OLA1: variants seen among roughly 807,000 people sequenced by gnomAD.
OLA1 encodes the protein obg-like ATPase 1.
In OLA1, 14 loss-of-function variants were observed where a neutral mutation model predicts 48.4. That is an observed-to-expected ratio of 0.29 (90% confidence interval 0.19 to 0.45). The LOEUF (loss-of-function observed/expected upper bound fraction) is 0.45. OLA1 is among the 20% of genes least tolerant of loss of function. The pLI, the probability that OLA1 is intolerant of heterozygous loss-of-function variation, is 1.00. For missense variants in OLA1, 325 were observed against 467.1 expected, an observed-to-expected ratio of 0.70 and a Z score of 2.80; for synonymous variants, 127 against 150.4, an observed-to-expected ratio of 0.84 and a Z score of 1.14.
chr2:174,223,032 C>G lies in OLA1; in HGVS notation c.373+1G>C. The G allele has an allele frequency of 6.2e-7, 1 of 1,610,694 alleles. No homozygotes were observed. Among genetic ancestry groups the G allele is most frequent in the Admixed American group, 1.7e-5 (1 of 59,556 alleles). ...ATGATTAAATAAACAACTGTACTTA[C>G]GTGTTAGATGAAAGATGCCATCACA... On this transcript the variant is annotated splice_donor_variant, in intron 4 of 10. Transcript: ENST00000284719. LOFTEE classifies it high-confidence loss of function.
At chr2:174,175,189 G>A (rs1362633426) in intron 4 of OLA1, among the ~76,000 whole-genome samples, 6 of 151,416 alleles carry the variant, frequency 4.0e-5, no homozygotes, top group South Asian at 4.1e-4. Context: ...GTAACACAGC[G>A]CTGGGTAAAG....
chr2:174,155,241 C>T (rs1686846666), intron 4 of OLA1, among the ~76,000 whole-genome samples: 1 of 151,796 alleles, frequency 6.6e-6, no homozygotes, highest in Non-Finnish European at 1.5e-5. Context: ...GCACAACAGG[C>T]CCAAAAAAGG....
chr2:174,181,721 C>T (rs945567236), intron 4 of OLA1, among the ~76,000 whole-genome samples: 3 of 152,296 alleles, frequency 2.0e-5, no homozygotes, highest in African/African-American at 7.2e-5. Context: ...CAAATATTTA[C>T]GTGATTTTTT....
chr2:174,081,227 C>T lies in OLA1; in HGVS notation c.891G>A (p.Lys297=), dbSNP rs1418416475. 9.3e-6 allele frequency: 15 copies of T among 1,610,788 alleles called. No individual in the cohort carries two copies. The highest frequency in any genetic ancestry group is 1.3e-5 in the Non-Finnish European group (15 of 1,178,882). Residue 297 remains lysine (K), a synonymous_variant, in exon 9 of 11, where the codon AAG becomes AAA. Coordinates refer to ENST00000284719, the MANE Select transcript of OLA1 (RefSeq NM_013341.5). Reference sequence around the variant, plus strand: ...CTAGTTGGAGTGCTGCAAACCCAGCCTTAATGATCTTTGGCAAAGCACTGA... The same window carrying T: ...CTAGTTGGAGTGCTGCAAACCCAGCTTTAATGATCTTTGGCAAAGCACTGA... The part of the protein sequence containing the change: ...MTQSALPKII[K]AGFAALQLEY...
intron 4 of OLA1, among the ~76,000 whole-genome samples, chr2:174,144,930 TAAAAAAA>T (rs71021671): frequency 7.1e-4 from 29 of 41,098 alleles, no homozygotes; most frequent in South Asian, 1.9e-3. Flanking sequence ...AGACCCTGTT[TAAAAAAA>T]AAAAAAAAAA....
intron 4 of OLA1, among the ~76,000 whole-genome samples, chr2:174,194,661 C>A (rs73035770): frequency 2.0e-5 from 3 of 152,088 alleles, no homozygotes; most frequent in Non-Finnish European, 4.4e-5. Flanking sequence ...TTACTCAAAC[C>A]CCCATATTCT....
chr2:174,141,884 T>C lies in OLA1; in HGVS notation c.490A>G (p.Ile164Val), dbSNP rs552284451. 6.2e-7 allele frequency: 1 copy of C among 1,612,404 alleles called. No homozygotes were observed. Among genetic ancestry groups the C allele is most frequent in the Non-Finnish European group, 8.5e-7 (1 of 1,179,800 alleles). ...ACAGCCACCTTTTCTAGTTTATCTA[T>C]AATGGGCCCAATCATTTCCTCATCT... Reference protein sequence around the residue: ...LKDEEMIGPIIDKLEKVAVRG... With the variant: ...LKDEEMIGPIVDKLEKVAVRG... Residue 164 changes from isoleucine to valine, a missense_variant, in exon 5 of 11, where the codon ATA becomes GTA. Ile to Val is a conservative substitution (Grantham distance 29, BLOSUM62 3). Coordinates refer to ENST00000284719, the MANE Select transcript of OLA1 (RefSeq NM_013341.5).
At chr2:174,215,127 AGAACATTCT>A (rs1237347235) in intron 4 of OLA1, among the ~76,000 whole-genome samples, 2 of 152,148 alleles carry the variant, frequency 1.3e-5, no homozygotes, top group Non-Finnish European at 2.9e-5. Flanking sequence ...AAGAATGAAA[AGAACATTCT>A]GGTATTTAAA....
intron 10 of OLA1, 49 bp downstream of exon 10, chr2:174,078,919 C>T (rs1219029150): frequency 7.1e-6 from 11 of 1,549,218 alleles, no homozygotes; most frequent in East Asian, 4.5e-5. Context: ...TGACTAACTT[C>T]GCATCAGTGG....
At chr2:174,215,634 G>A (rs1200119405) in intron 4 of OLA1, among the ~76,000 whole-genome samples, 4 of 152,014 alleles carry the variant, frequency 2.6e-5, no homozygotes, top group African/African-American at 9.7e-5. Context: ...ACTTACTACT[G>A]TAAAATATAT....
intron 7 of OLA1, among the ~76,000 whole-genome samples, chr2:174,090,420 T>A (rs1383470122): frequency 6.6e-6 from 1 of 152,142 alleles, no homozygotes; most frequent in Non-Finnish European, 1.5e-5. Flanking sequence ...AAGAAAACAT[T>A]AGGGTAAATT....
chr2:174,143,751 G>GA (rs1196654580), intron 4 of OLA1, among the ~76,000 whole-genome samples: 1 of 151,948 alleles, frequency 6.6e-6, no homozygotes, highest in Non-Finnish European at 1.5e-5. Context: ...AGAATCCAAA[G>GA]AAAAAAAGAG....
At chr2:174,236,908 G>GA (rs1688864530) in intron 2 of OLA1, among the ~76,000 whole-genome samples, 2 of 152,180 alleles carry the variant, frequency 1.3e-5, no homozygotes, top group Non-Finnish European at 2.9e-5. Context: ...GATGGTGAGT[G>GA]AATGTGAGGG....
chr2:174,177,862 T>C (rs1480855756), intron 4 of OLA1, among the ~76,000 whole-genome samples: 1 of 152,014 alleles, frequency 6.6e-6, no homozygotes, highest in Non-Finnish European at 1.5e-5. Flanking sequence ...ATTTCTTAAA[T>C]TTTTTTCAGA....
chr2:174,153,689 A>G (rs1686801020), intron 4 of OLA1, among the ~76,000 whole-genome samples: 1 of 152,226 alleles, frequency 6.6e-6, no homozygotes, highest in South Asian at 2.1e-4. Context: ...ATTATATTCA[A>G]TTGCTCAAGG....
chr2:174,194,897 C>T (rs1035923792), intron 4 of OLA1, among the ~76,000 whole-genome samples: 7 of 152,108 alleles, frequency 4.6e-5, no homozygotes, highest in African/African-American at 1.7e-4. Flanking sequence ...CTACAATGTG[C>T]TCTTGGTTAG....
intron 4 of OLA1, among the ~76,000 whole-genome samples, chr2:174,170,347 T>TA (rs946200296): frequency 6.6e-6 from 1 of 152,034 alleles, no homozygotes; most frequent in African/African-American, 2.4e-5. Flanking sequence ...AGCAATCACT[T>TA]AAAAAAAGTG....
intron 4 of OLA1, among the ~76,000 whole-genome samples, chr2:174,143,606 G>A (rs1280471036): frequency 6.6e-6 from 1 of 152,198 alleles, no homozygotes; most frequent in African/African-American, 2.4e-5. Flanking sequence ...CATCCCTACA[G>A]TAAATGCATT....
intron 3 of OLA1, among the ~76,000 whole-genome samples, chr2:174,225,505 C>T (rs35839080): frequency 0.13 from 19,387 of 151,960 alleles, 1,440 homozygotes; most frequent in East Asian, 0.21. Context: ...GCTGAGATCG[C>T]GCCATTGCAC....
Sources: gnomAD v4.1 joint callset for allele counts (sites outside exome capture counted in the v4.1 genomes callset) on GRCh38, gnomAD v4.1.1 for gene constraint, MANE v1.5 for transcripts, NCBI Gene and HGNC (gene_info 2026-07-23, HGNC 2026-07-21) for gene names.